The following NFIL3 variants were observed in gnomAD, a reference collection of about 807,000 sequenced individuals.
The protein encoded by NFIL3 is nuclear factor, interleukin 3 regulated.
NFIL3 carries 5 observed loss-of-function variants against 10.0 expected under a neutral mutation model. That is an observed-to-expected ratio of 0.50 (90% confidence interval 0.26 to 1.06). The LOEUF (loss-of-function observed/expected upper bound fraction) is 1.06, where lower values mean the gene tolerates loss of function less well. Among genes scored for constraint, NFIL3 ranks in the 50% least tolerant of loss-of-function variants. NFIL3 has a pLI of 0.13. For missense variants in NFIL3, 436 were observed against 547.6 expected (o/e 0.80, Z 2.03); for synonymous variants, 202 against 206.5 (o/e 0.98, Z 0.19).
At chr9:91,482,095 G>A in the NFIL3 span, among the ~76,000 whole-genome samples, 1 of 152,170 alleles carries the variant, frequency 6.6e-6, no homozygotes, top group Non-Finnish European at 1.5e-5. Flanking sequence ...AAAGTGATCC[G>A]GCAATATCCA....
chr9:91,417,738 C>T (rs988257457), intron 1 of NFIL3, among the ~76,000 whole-genome samples: 2 of 151,994 alleles, frequency 1.3e-5, no homozygotes, highest in African/African-American at 4.8e-5. Flanking sequence ...CCATTCTGTC[C>T]CCAAGAAGCA....
chr9:91,452,807 A>G, the NFIL3 span, among the ~76,000 whole-genome samples: 1 of 150,874 alleles, frequency 6.6e-6, no homozygotes, highest in Admixed American at 6.6e-5. Context: ...AAAAAAAAAA[A>G]AGCAAGCTGT....
chr9:91,421,327 C>A (rs1177656400), intron 1 of NFIL3, among the ~76,000 whole-genome samples: 2 of 151,880 alleles, frequency 1.3e-5, no homozygotes, highest in Non-Finnish European at 2.9e-5. Flanking sequence ...GTCCCTAGCG[C>A]CCGGGCTCCA....
At chr9:91,435,486 G>T in the NFIL3 span, among the ~76,000 whole-genome samples, 1 of 152,152 alleles carries the variant, frequency 6.6e-6, no homozygotes, top group Non-Finnish European at 1.5e-5. Context: ...CTCAAAGGAG[G>T]TTGAAATGGA....
the NFIL3 span, among the ~76,000 whole-genome samples, chr9:91,466,048 A>C: frequency 6.6e-6 from 1 of 151,836 alleles, no homozygotes; most frequent in Admixed American, 6.6e-5. Context: ...AAGCATTCTA[A>C]AGTCACATGT....
the NFIL3 span, among the ~76,000 whole-genome samples, chr9:91,449,590 C>T: frequency 3.3e-5 from 5 of 151,950 alleles, no homozygotes; most frequent in East Asian, 9.7e-4. Flanking sequence ...TTTAATGTGC[C>T]ATTCAATTTA....
At chr9:91,412,672 C>T (rs561436721) in intron 1 of NFIL3, among the ~76,000 whole-genome samples, 10 of 152,014 alleles carry the variant, frequency 6.6e-5, no homozygotes, top group African/African-American at 2.2e-4. Context: ...GGTGAAACCC[C>T]GTCTCTACTA....
chr9:91,415,265 A>T (rs1833633225), intron 1 of NFIL3, among the ~76,000 whole-genome samples: 1 of 152,156 alleles, frequency 6.6e-6, no homozygotes, highest in East Asian at 1.9e-4. Context: ...TGTCATGGAG[A>T]TAATAACAAA....
At chr9:91,424,497 G>C (rs1285919275), upstream of NFIL3, among the ~76,000 whole-genome samples, 5 of 152,178 alleles carry the variant, frequency 3.3e-5, no homozygotes, top group Non-Finnish European at 5.9e-5. Flanking sequence ...GGGTTGGCGC[G>C]GCCGGGCAGC....
Position 91,409,416 on chromosome 9 carries a change from A to C in NFIL3, c.1319T>G (p.Leu440Ter). ...CTTGAGTGAGACAACCTCTGCAGAT[A>C]AGTTTGCTATCCCCTGCTTCAAATA... ...NLYLKQGIAN[L>*]SAEVVSLKRL... Residue 440 changes from leucine to a stop codon, truncating the protein, a stop_gained, in exon 2 of 2, where the codon TTA becomes TGA. Coordinates refer to ENST00000297689, the MANE Select transcript of NFIL3 (RefSeq NM_005384.3). LOFTEE classifies it high-confidence loss of function. 6.2e-7 allele frequency: 1 copy of C among 1,613,376 alleles called. No homozygotes were observed. Among genetic ancestry groups the C allele is most frequent in the South Asian group, 1.1e-5 (1 of 90,934 alleles).
upstream of NFIL3, among the ~76,000 whole-genome samples, chr9:91,425,366 A>G (rs1485045421): frequency 6.6e-6 from 1 of 152,174 alleles, no homozygotes; most frequent in Non-Finnish European, 1.5e-5. Context: ...GTCATATTTA[A>G]AAAATTTTTA....
the NFIL3 span, among the ~76,000 whole-genome samples, chr9:91,451,262 T>C: frequency 6.6e-6 from 1 of 152,234 alleles, no homozygotes; most frequent in Admixed American, 6.5e-5. Context: ...CCTCTAGTTC[T>C]GCTCCTCTAT....
chr9:91,457,416 C>T, the NFIL3 span, among the ~76,000 whole-genome samples: 8 of 152,082 alleles, frequency 5.3e-5, no homozygotes, highest in South Asian at 1.4e-3. Flanking sequence ...TGCACTTTCT[C>T]TCAGCAATAT....
At chr9:91,424,587 A>T (rs1314763449), upstream of NFIL3, among the ~76,000 whole-genome samples, 1 of 152,104 alleles carries the variant, frequency 6.6e-6, no homozygotes, top group Non-Finnish European at 1.5e-5. Flanking sequence ...CGGAGCCGGG[A>T]GGGAAAGCTC....
chr9:91,462,203 A>G, the NFIL3 span, among the ~76,000 whole-genome samples: 476 of 121,788 alleles, frequency 3.9e-3, 3 homozygotes, highest in Non-Finnish European at 5.1e-3. Context: ...ATTATCTTTT[A>G]TTTTTTTTGG....
chr9:91,421,120 C>A (rs1193603836), intron 1 of NFIL3, among the ~76,000 whole-genome samples: 1 of 152,200 alleles, frequency 6.6e-6, no homozygotes, highest in African/African-American at 2.4e-5. Flanking sequence ...GGTTTCTGAA[C>A]CTCACCGCAG....
chr9:91,427,790 A>T (rs143920464), upstream of NFIL3, among the ~76,000 whole-genome samples: 41 of 152,004 alleles, frequency 2.7e-4, no homozygotes, highest in East Asian at 7.0e-3. Context: ...ACAGGTGCAC[A>T]CTACCATGCC....
At chr9:91,470,638 C>A in the NFIL3 span, among the ~76,000 whole-genome samples, 1 of 152,112 alleles carries the variant, frequency 6.6e-6, no homozygotes, top group Admixed American at 6.5e-5. Flanking sequence ...ATCTTTCCTG[C>A]TTTCTCTTGT....
chr9:91,457,428 T>G, the NFIL3 span, among the ~76,000 whole-genome samples: 1 of 152,058 alleles, frequency 6.6e-6, no homozygotes, highest in African/African-American at 2.4e-5. Context: ...CAGCAATATC[T>G]TATAGTTTTC....
Sources: gnomAD v4.1 joint callset for allele counts (sites outside exome capture counted in the v4.1 genomes callset) on GRCh38, gnomAD v4.1.1 for gene constraint, MANE v1.5 for transcripts, NCBI Gene and HGNC (gene_info 2026-07-23, HGNC 2026-07-21) for gene names.